Variants in CTNNB1 observed in about 807,000 individuals in gnomAD.
CTNNB1 encodes the protein catenin beta-1.
A neutral mutation model predicts 82.5 loss-of-function variants in CTNNB1; 6 were observed. The observed-to-expected ratio is 0.07, with a 90% CI of 0.04 to 0.14. The LOEUF (loss-of-function observed/expected upper bound fraction) is 0.14. Among genes scored for constraint, CTNNB1 ranks in the 10% least tolerant of loss-of-function variants. The probability of loss-of-function intolerance (pLI) is 1.00; values close to 1 mark genes in which losing one functional copy is unlikely to be tolerated. For synonymous variants in CTNNB1, 312 were observed against 329.7 expected (o/e 0.95, Z 0.58); for missense variants, 529 against 980.4 (o/e 0.54, Z 6.15).
At chr3:41,203,650 T>C (rs912402703) in intron 1 of CTNNB1, among the ~76,000 whole-genome samples, 3 of 152,202 alleles carry the variant, frequency 2.0e-5, no homozygotes, top group Non-Finnish European at 1.5e-5. Context: ...AGCCAGTGTA[T>C]GTGACCTAAA....
At chr3:41,237,446 CAAAAAAAAAAAA>C (rs3038134) in intron 13 of CTNNB1, 2 of 65,264 alleles carry the variant, frequency 3.1e-5, no homozygotes, top group Non-Finnish European at 5.3e-5. Context: ...GACTCCAACA[CAAAAAAAAAAAA>C]AAAAAAAAAG....
chr3:41,212,054 C>G (rs1201754567), intron 1 of CTNNB1, among the ~76,000 whole-genome samples: 2 of 152,208 alleles, frequency 1.3e-5, no homozygotes, highest in Non-Finnish European at 2.9e-5. Context: ...ACTCTTCAGC[C>G]TTTTTGTTTT....
At chr3:41,228,771 T>G (rs1575322557) in intron 7 of CTNNB1, among the ~76,000 whole-genome samples, 1 of 152,228 alleles carries the variant, frequency 6.6e-6, no homozygotes, top group East Asian at 1.9e-4. Flanking sequence ...GCAACTTCTC[T>G]TGGCATCTTC....
At chr3:41,203,154 T>C (rs2077573517) in intron 1 of CTNNB1, among the ~76,000 whole-genome samples, 1 of 151,880 alleles carries the variant, frequency 6.6e-6, no homozygotes, top group African/African-American at 2.4e-5. Context: ...CATGTTTTCA[T>C]TGCATGCTTG....
chr3:41,209,452 C>A (rs1389542441), intron 1 of CTNNB1, among the ~76,000 whole-genome samples: 1 of 152,196 alleles, frequency 6.6e-6, no homozygotes, highest in Non-Finnish European at 1.5e-5. Flanking sequence ...TAAAAGCTTG[C>A]AGTTCTTGAC....
At chr3:41,236,253 C>G in intron 11 of CTNNB1, 96 bp from the exon 12 acceptor site, 2 of 1,414,976 alleles carry the variant, frequency 1.4e-6, no homozygotes, top group Non-Finnish European at 2.0e-6. Context: ...GTGAATGCCT[C>G]TTGCACTCTG....
At chr3:41,234,643 T>C in intron 10 of CTNNB1, 1 of 321,246 alleles carries the variant, frequency 3.1e-6, no homozygotes. Context: ...TCAGAGCCTC[T>C]TACCCTTGCC....
At chr3:41,232,703 T>G (rs543671956) in intron 7 of CTNNB1, among the ~76,000 whole-genome samples, 1 of 152,242 alleles carries the variant, frequency 6.6e-6, no homozygotes, top group East Asian at 1.9e-4. Flanking sequence ...GTGAATTGTA[T>G]AAAGTCCCTG....
chr3:41,224,280 G>A, intron 2 of CTNNB1, 199 bp downstream of exon 2: 1 of 737,536 alleles, frequency 1.4e-6, no homozygotes, highest in Non-Finnish European at 2.3e-6. Flanking sequence ...CTGGATGACT[G>A]CTTCTGGAGC....
In CTNNB1 at chr3:41,227,185, GATATAT is replaced by G. The variant is rs139158008; in HGVS notation, c.937-14_937-9del. On this transcript the variant is annotated splice_polypyrimidine_tract_variant and intron_variant, in intron 6 of 14. Transcript: ENST00000349496. Reference sequence around the variant, plus strand: ...GTGATCAAGATTCCTTGACTAACAAGATATATATATATATCTTTCTAGCTCATCATA... The same window carrying G: ...GTGATCAAGATTCCTTGACTAACAAGATATATATCTTTCTAGCTCATCATA... 2.6e-6 allele frequency: 4 copies of G among 1,547,854 alleles called. No homozygotes were observed. Among genetic ancestry groups the G allele is most frequent in the African/African-American group, 1.4e-5 (1 of 73,214 alleles).
chr3:41,230,176 T>C (rs943555992), intron 7 of CTNNB1, among the ~76,000 whole-genome samples: 1 of 152,308 alleles, frequency 6.6e-6, no homozygotes, highest in East Asian at 1.9e-4. Context: ...AGAGGAACCA[T>C]AGTCTTGGGG....
chr3:41,229,490 T>C (rs1010832748), intron 7 of CTNNB1, among the ~76,000 whole-genome samples: 2 of 152,172 alleles, frequency 1.3e-5, no homozygotes, highest in African/African-American at 2.4e-5. Flanking sequence ...ATTGCATTCT[T>C]GATTTGGCTT....
chr3:41,224,462 CT>C (rs938691534), intron 2 of CTNNB1, 63 bp from the exon 3 acceptor site: 688 of 1,419,314 alleles, frequency 4.8e-4, no homozygotes, highest in Middle Eastern at 8.3e-4. Context: ...ATCACAGATT[CT>C]TTTTTTTTAA....
At chr3:41,213,304 T>G (rs1294798955) in intron 1 of CTNNB1, among the ~76,000 whole-genome samples, 3 of 152,242 alleles carry the variant, frequency 2.0e-5, no homozygotes, top group Non-Finnish European at 4.4e-5. Flanking sequence ...GCTGGCCCTT[T>G]TGCATCCTTC....
intron 1 of CTNNB1, among the ~76,000 whole-genome samples, chr3:41,207,560 T>C (rs571057581): frequency 6.6e-6 from 1 of 152,328 alleles, no homozygotes; most frequent in East Asian, 1.9e-4. Flanking sequence ...GAAGTAGTAC[T>C]GCATTCTGGG....
chr3:41,239,650 CTT>C lies in CTNNB1; in HGVS notation c.*310_*311del, dbSNP rs1295407972. 6.5e-6 allele frequency: 3 copies of C among 463,576 alleles called. No homozygotes were observed. Among genetic ancestry groups the C allele is most frequent in the African/African-American group, 3.9e-5 (2 of 51,488 alleles). 28.7% of individuals were successfully genotyped at this position (463,576 alleles called of 1,614,324 possible). On this transcript the variant is annotated 3_prime_UTR_variant, in exon 15 of 15. Transcript: ENST00000349496. ...TAAACATTAATAGCAGCCTTTCTCT[CTT>C]TATACAGCTGTATTGTCTGAACTTG...
At chr3:41,200,206 A>G (rs1419138265) in intron 1 of CTNNB1, 1 of 152,160 alleles carries the variant, frequency 6.6e-6, no homozygotes, top group African/African-American at 2.4e-5. Flanking sequence ...TTCCTCTTTC[A>G]TTCTTAAGAA....
intron 13 of CTNNB1, chr3:41,237,241 G>A (rs1559477708): frequency 6.1e-6 from 1 of 164,140 alleles, no homozygotes; most frequent in Non-Finnish European, 1.3e-5. Flanking sequence ...TTGAGTGAAT[G>A]GAAAGAGAGA....
intron 7 of CTNNB1, among the ~76,000 whole-genome samples, chr3:41,228,469 A>C (rs1232414423): frequency 6.6e-6 from 1 of 152,196 alleles, no homozygotes; most frequent in Non-Finnish European, 1.5e-5. Context: ...TCTAATGATC[A>C]GTGATGTCGA....
Sources: gnomAD v4.1 joint callset for allele counts (sites outside exome capture counted in the v4.1 genomes callset) on GRCh38, gnomAD v4.1.1 for gene constraint, MANE v1.5 for transcripts, NCBI Gene and HGNC (gene_info 2026-07-23, HGNC 2026-07-21) for gene names.